The following GNG7 variants were observed in gnomAD, a reference collection of about 807,000 sequenced individuals.
GNG7 encodes guanine nucleotide-binding protein G(I)/G(S)/G(O) subunit gamma-7.
GNG7 carries 1 observed loss-of-function variant against 4.0 expected under a neutral mutation model. That is an observed-to-expected ratio of 0.25 (90% confidence interval 0.09 to 1.18). The LOEUF (loss-of-function observed/expected upper bound fraction) is 1.18, where lower values mean the gene tolerates loss of function less well. Ranked by LOEUF, GNG7 falls within the 50% of genes most tolerant of loss-of-function variation. The pLI is 0.50. For missense variants in GNG7, 86 were observed against 91.9 expected, an observed-to-expected ratio of 0.94 and a Z score of 0.26; for synonymous variants, 34 against 36.9, an observed-to-expected ratio of 0.92 and a Z score of 0.29.
intron 1 of GNG7, among the ~76,000 whole-genome samples, chr19:2,657,359 AAAAT>A (rs1216812332): frequency 2.2e-4 from 3 of 13,490 alleles, no homozygotes; most frequent in African/African-American, 6.0e-4. Context: ...AAAAAAAAAA[AAAAT>A]ATATATATAT....
In GNG7 at chr19:2,633,455, G is replaced by A. The variant is rs1190781704; in HGVS notation, c.-78+12769C>T. 6.6e-6 allele frequency among the ~76,000 whole-genome samples: 1 copy of A among 151,328 alleles called. No homozygotes were observed. The highest frequency in any genetic ancestry group is 2.1e-4 in the South Asian group (1 of 4,816). The stretch of plus-strand genomic sequence containing the variant: ...TCTGTGGGAGGCTGACTGTTCAAGC[G>A]GTTGCTTAGCAACAGGCGCGCGCGC... On this transcript the variant is annotated intron_variant, in intron 2 of 4. Coordinates refer to ENST00000382159, the MANE Select transcript of GNG7 (RefSeq NM_052847.3). The surrounding 1 kb of genome is among the most constrained non-coding windows in gnomAD (Gnocchi z 5.9).
intron 2 of GNG7, among the ~76,000 whole-genome samples, chr19:2,593,512 G>A (rs1246368119): frequency 1.3e-5 from 2 of 152,152 alleles, no homozygotes; most frequent in Non-Finnish European, 2.9e-5. Flanking sequence ...GGGAGGCTGA[G>A]GTAGGTGGAT....
chr19:2,599,633 G>A (rs1317225739), intron 2 of GNG7, among the ~76,000 whole-genome samples: 4 of 152,086 alleles, frequency 2.6e-5, no homozygotes, highest in Admixed American at 2.0e-4. Flanking sequence ...CATCAAAGAC[G>A]GTGCATGAAA....
chr19:2,646,964 CA>C (rs1459092770), intron 1 of GNG7, among the ~76,000 whole-genome samples: 1 of 152,182 alleles, frequency 6.6e-6, no homozygotes, highest in African/African-American at 2.4e-5. Context: ...AGGACTTTTC[CA>C]GAGTTAGCCT....
intron 2 of GNG7, among the ~76,000 whole-genome samples, chr19:2,588,978 G>T (rs1206737550): frequency 2.0e-5 from 3 of 152,282 alleles, no homozygotes; most frequent in East Asian, 3.9e-4. Flanking sequence ...ACCCAGGCTG[G>T]AGTGTAATGG....
At chr19:2,697,287 C>T (rs781193567) in intron 1 of GNG7, among the ~76,000 whole-genome samples, 5 of 152,172 alleles carry the variant, frequency 3.3e-5, no homozygotes, top group African/African-American at 9.7e-5. Context: ...AGTAACTGTT[C>T]GTGGAAGCGT....
chr19:2,676,163 G>A lies in GNG7; in HGVS notation c.-135+26483C>T, dbSNP rs73920457. Reference sequence around the variant, plus strand: ...GAAGAGGCAGGAAGGATCCTCCCCGGGAGCTTCTGGGCCGGGAACGGCCCT... The same window carrying A: ...GAAGAGGCAGGAAGGATCCTCCCCGAGAGCTTCTGGGCCGGGAACGGCCCT... On this transcript the variant is annotated intron_variant, in intron 1 of 4. Transcript: ENST00000382159. Among the ~76,000 whole-genome samples the A allele has an allele frequency of 8.7e-3, 1,324 of 152,326 alleles. 16 individuals carry two copies. Among genetic ancestry groups the A allele is most frequent in the Middle Eastern group, 0.034 (10 of 294 alleles).
intron 2 of GNG7, among the ~76,000 whole-genome samples, chr19:2,597,349 C>G (rs892982928): frequency 2.6e-5 from 4 of 152,192 alleles, no homozygotes; most frequent in Admixed American, 2.6e-4. Flanking sequence ...GTAATCCTAA[C>G]ACTGTGGGAG....
chr19:2,511,528 A>C lies in GNG7; in HGVS notation c.*3494T>G, dbSNP rs1221438537. On this transcript the variant is annotated 3_prime_UTR_variant, in exon 5 of 5. Coordinates refer to ENST00000382159, the MANE Select transcript of GNG7 (RefSeq NM_052847.3). The surrounding 1 kb of genome is among the most constrained non-coding windows in gnomAD (Gnocchi z 6.3). ...CTGGCCTCAGGCCGTGGACTTTTTA[A>C]TAAGTGACCCCTTGAGGAAGGGCGT... is the stretch of plus-strand genomic sequence containing the variant. The C allele has an allele frequency of 6.6e-6, 1 of 152,414 alleles. No individual in the cohort carries two copies. Among genetic ancestry groups the C allele is most frequent in the Non-Finnish European group, 1.5e-5 (1 of 68,272 alleles). 9.4% of individuals were successfully genotyped at this position (152,414 alleles called of 1,614,324 possible). A position where few individuals can be genotyped will look rare whatever the true frequency, so the allele number is the denominator to read the frequency against.
chr19:2,564,457 T>C (rs926864218), intron 2 of GNG7, among the ~76,000 whole-genome samples: 1 of 152,026 alleles, frequency 6.6e-6, no homozygotes, highest in African/African-American at 2.4e-5. Context: ...GGCGTGCACC[T>C]GTACCACTCG....
At chr19:2,532,309 T>A (rs1978621581) in intron 3 of GNG7, among the ~76,000 whole-genome samples, 1 of 151,732 alleles carries the variant, frequency 6.6e-6, no homozygotes, top group African/African-American at 2.4e-5. Flanking sequence ...ATTGGAACAA[T>A]GGGGAAAAAA....
chr19:2,572,904 G>C (rs1364194263), intron 2 of GNG7, among the ~76,000 whole-genome samples: 1 of 151,598 alleles, frequency 6.6e-6, no homozygotes, highest in African/African-American at 2.4e-5. Context: ...CTGAATTCCA[G>C]AACTGTTTCA....
chr19:2,601,074 G>A (rs766912903), intron 2 of GNG7, among the ~76,000 whole-genome samples: 14 of 151,916 alleles, frequency 9.2e-5, no homozygotes, highest in Non-Finnish European at 1.6e-4. Context: ...GTTTGAGGCT[G>A]CAGTGAGCTA....
intron 1 of GNG7, among the ~76,000 whole-genome samples, chr19:2,682,172 G>C (rs562765367): frequency 1.3e-5 from 2 of 151,596 alleles, no homozygotes; most frequent in Non-Finnish European, 2.9e-5. Flanking sequence ...GCCTCCCAAA[G>C]TGCTGTGATT....
At chr19:2,676,254 A>G (rs1319582612) in intron 1 of GNG7, among the ~76,000 whole-genome samples, 1 of 152,200 alleles carries the variant, frequency 6.6e-6, no homozygotes, top group African/African-American at 2.4e-5. Flanking sequence ...TGTGGTTTTG[A>G]GCCATGCAGG....
chr19:2,677,932 G>T (rs1290917876), intron 1 of GNG7, among the ~76,000 whole-genome samples: 1 of 152,156 alleles, frequency 6.6e-6, no homozygotes, highest in African/African-American at 2.4e-5. Context: ...AGTGATAACC[G>T]CTGCCATAAT....
chr19:2,585,336 TATAG>T (rs747767209), intron 2 of GNG7, among the ~76,000 whole-genome samples: 172 of 152,132 alleles, frequency 1.1e-3, no homozygotes, highest in African/African-American at 4.0e-3. Flanking sequence ...TCTGCGTATA[TATAG>T]ATATATACAT....
intron 1 of GNG7, among the ~76,000 whole-genome samples, chr19:2,654,307 C>A (rs1354492764): frequency 6.6e-6 from 1 of 151,152 alleles, no homozygotes; most frequent in Non-Finnish European, 1.5e-5. Context: ...CTCCTAGACA[C>A]GATCCGAAAC....
intron 2 of GNG7, among the ~76,000 whole-genome samples, chr19:2,608,780 T>C (rs1981473288): frequency 1.3e-5 from 2 of 152,154 alleles, no homozygotes; most frequent in African/African-American, 4.8e-5. Flanking sequence ...CGTTCCCCAC[T>C]CCAGGTAACC....
Sources: gnomAD v4.1 joint callset for allele counts (sites outside exome capture counted in the v4.1 genomes callset) on GRCh38, gnomAD v4.1.1 for gene constraint, Gnocchi (gnomAD v3.1) non-coding constraint, MANE v1.5 for transcripts, NCBI Gene and HGNC (gene_info 2026-07-23, HGNC 2026-07-21) for gene names.